The following TRIM2 variants were observed in gnomAD, a reference collection of about 807,000 sequenced individuals.
TRIM2 encodes the protein tripartite motif-containing protein 2.
TRIM2 carries 20 observed loss-of-function variants against 75.2 expected under a neutral mutation model. That is an observed-to-expected ratio of 0.27 (90% CI 0.19 to 0.39). TRIM2 has a LOEUF of 0.39. TRIM2 is among the 10% of genes least tolerant of loss of function. The pLI is 1.00. For missense variants in TRIM2, 660 were observed against 990.8 expected, an observed-to-expected ratio of 0.67 and a Z score of 4.48; for synonymous variants, 373 against 388.3, an observed-to-expected ratio of 0.96 and a Z score of 0.46.
chr4:153,311,921 T>A (rs1396739426), intron 6 of TRIM2, among the ~76,000 whole-genome samples: 1 of 150,244 alleles, frequency 6.7e-6, no homozygotes, highest in Admixed American at 6.6e-5. Context: ...TTTATTTATT[T>A]ATTATTATTA....
In TRIM2 at chr4:153,334,972, G is replaced by A; in HGVS notation, c.*6G>A. 6.2e-7 allele frequency: 1 copy of A among 1,609,888 alleles called. No homozygotes were observed. Among genetic ancestry groups the A allele is most frequent in the Non-Finnish European group, 8.5e-7 (1 of 1,177,304 alleles). ...TCTATCGATACTTACAGTAATGGTG[G>A]GCAGGTGGATACCCGCTTCCATGGT... On this transcript the variant is annotated 3_prime_UTR_variant, in exon 12 of 12. Coordinates refer to ENST00000338700, the MANE Select transcript of TRIM2 (RefSeq NM_015271.5).
Position 153,244,421 on chromosome 4 carries a change from T to TTCTTCTTCTTCTTCTTCTTCCTCTTCC in TRIM2, c.31-25898_31-25897insCTTCCTCTTCCTCTTCTTCTTCTTCTT, listed in dbSNP as rs1560875635. Among the ~76,000 whole-genome samples, 22 of 89,096 alleles carry TTCTTCTTCTTCTTCTTCTTCCTCTTCC rather than the reference T, an allele frequency of 2.5e-4. 3 individuals carry two copies. Among genetic ancestry groups the TTCTTCTTCTTCTTCTTCTTCCTCTTCC allele is most frequent in the Non-Finnish European group, 4.4e-4 (19 of 42,722 alleles). 58.5% of individuals were successfully genotyped at this position (89,096 alleles called of 152,430 possible). ...CTTCTTCTTCTTCTTCTTCTTCTTC[T>TTCTTCTTCTTCTTCTTCTTCCTCTTCC]TCTTCTTCTTCTTCTTTTAATTAGA... On this transcript the variant is annotated intron_variant, in intron 1 of 11. Coordinates refer to ENST00000338700, the MANE Select transcript of TRIM2 (RefSeq NM_015271.5).
chr4:153,320,245 T>G (rs1454403589), intron 8 of TRIM2, among the ~76,000 whole-genome samples: 1 of 152,230 alleles, frequency 6.6e-6, no homozygotes, highest in African/African-American at 2.4e-5. Context: ...AACCACTGTT[T>G]CTTTCCTAAG....
At chr4:153,221,888 AAGGAAGGAGGG>A (rs1255098419) in intron 1 of TRIM2, among the ~76,000 whole-genome samples, 26 of 94,636 alleles carry the variant, frequency 2.7e-4, no homozygotes, top group African/African-American at 9.1e-4. Flanking sequence ...AGGAGGAAGG[AAGGAAGGAGGG>A]AGGAAGGAAG....
Position 153,337,154 on chromosome 4 carries a change from A to G in TRIM2, c.*2188A>G, listed in dbSNP as rs1375483828. ...CTAGACTCTTGTCTAGATTGTTTAA[A>G]AGAAACTTTTCAAATTGGTTACATT... On this transcript the variant is annotated 3_prime_UTR_variant, in exon 12 of 12. Coordinates refer to ENST00000338700, the MANE Select transcript of TRIM2 (RefSeq NM_015271.5). The G allele has an allele frequency of 4.1e-6, 4 of 985,334 alleles. No homozygotes were observed. Among genetic ancestry groups the G allele is most frequent in the Non-Finnish European group, 3.6e-6 (3 of 829,936 alleles). The allele number at this position is 985,334 out of a possible 1,614,324, so 61.0% of individuals were successfully genotyped here. A position where few individuals can be genotyped will look rare whatever the true frequency, so the allele number is the denominator to read the frequency against.
At chr4:153,241,307 G>T (rs1560867161) in intron 1 of TRIM2, among the ~76,000 whole-genome samples, 1 of 152,124 alleles carries the variant, frequency 6.6e-6, no homozygotes, top group African/African-American at 2.4e-5. Flanking sequence ...TAATGTCTAG[G>T]CAGGCTGGAC....
chr4:153,300,345 A>G (rs2150165524), intron 6 of TRIM2, among the ~76,000 whole-genome samples: 1 of 151,976 alleles, frequency 6.6e-6, no homozygotes, highest in East Asian at 1.9e-4. Context: ...GCTGGAGTAC[A>G]ATGGCGAGGT....
At chr4:153,180,197 C>T (rs1477285170) in intron 1 of TRIM2, among the ~76,000 whole-genome samples, 1 of 152,158 alleles carries the variant, frequency 6.6e-6, no homozygotes, top group Non-Finnish European at 1.5e-5. Flanking sequence ...AATCAACAGC[C>T]CCATTAACTC....
At chr4:153,312,771 G>A (rs1173732314) in intron 6 of TRIM2, among the ~76,000 whole-genome samples, 2 of 152,008 alleles carry the variant, frequency 1.3e-5, no homozygotes, top group Non-Finnish European at 2.9e-5. Context: ...TGTTTATTGC[G>A]GCACTATTCA....
At chr4:153,158,353 T>C (rs1349532750) in intron 1 of TRIM2, among the ~76,000 whole-genome samples, 1 of 152,238 alleles carries the variant, frequency 6.6e-6, no homozygotes, top group Non-Finnish European at 1.5e-5. Flanking sequence ...CTATGAACTA[T>C]AATTGGTTTG....
intron 1 of TRIM2, among the ~76,000 whole-genome samples, chr4:153,219,743 C>T (rs1273375071): frequency 2.6e-5 from 4 of 152,172 alleles, no homozygotes; most frequent in Non-Finnish European, 5.9e-5. Context: ...TGGCACATGC[C>T]TCTGGTCCCA....
At chr4:153,187,156 C>T (rs1056420308) in intron 1 of TRIM2, among the ~76,000 whole-genome samples, 2 of 152,130 alleles carry the variant, frequency 1.3e-5, no homozygotes, top group Non-Finnish European at 2.9e-5. Context: ...TCAGGAATTT[C>T]GTTACAGTCA....
intron 1 of TRIM2, among the ~76,000 whole-genome samples, chr4:153,225,424 C>G (rs1009610610): frequency 1.3e-5 from 2 of 152,156 alleles, no homozygotes; most frequent in South Asian, 4.1e-4. Context: ...AGAGGCTATT[C>G]TGTGAATGTT....
intron 2 of TRIM2, among the ~76,000 whole-genome samples, chr4:153,273,270 CTTTTTTTT>C (rs72414117): frequency 5.2e-5 from 3 of 57,388 alleles, no homozygotes; most frequent in African/African-American, 7.0e-5. Flanking sequence ...TACAGTCACT[CTTTTTTTT>C]TTTTTTTTTT....
intron 1 of TRIM2, among the ~76,000 whole-genome samples, chr4:153,164,412 A>C (rs1730074701): frequency 6.6e-6 from 1 of 152,186 alleles, no homozygotes; most frequent in South Asian, 2.1e-4. Context: ...CTCCCTAAAG[A>C]CAGCCCCTTT....
chr4:153,273,268 C>CTTTTTTTT (rs1757181547), intron 2 of TRIM2, among the ~76,000 whole-genome samples: 1 of 94,510 alleles, frequency 1.1e-5, no homozygotes, highest in African/African-American at 4.3e-5. Context: ...CTTACAGTCA[C>CTTTTTTTT]TCTTTTTTTT....
intron 1 of TRIM2, among the ~76,000 whole-genome samples, chr4:153,175,560 G>T (rs1731348192): frequency 6.6e-6 from 1 of 152,194 alleles, no homozygotes; most frequent in Non-Finnish European, 1.5e-5. Context: ...GGGTGGAGTT[G>T]AATAGCAGGA....
At chr4:153,217,851 C>T (rs1365528314) in intron 1 of TRIM2, among the ~76,000 whole-genome samples, 1 of 152,044 alleles carries the variant, frequency 6.6e-6, no homozygotes, top group Non-Finnish European at 1.5e-5. Context: ...TCCAAGTTCT[C>T]CAAAGAAAAA....
rs1311888983 is a variant in TRIM2 at position 153,244,319 on chromosome 4, CTCT to C, written c.31-25983_31-25981del. Among the ~76,000 whole-genome samples the C allele has an allele frequency of 2.9e-3, 61 of 21,134 alleles. 3 individuals are homozygous for C. The highest frequency in any genetic ancestry group is 3.9e-3 in the Non-Finnish European group (50 of 12,774). The allele number at this position is 21,134 out of a possible 152,430, so 13.9% of individuals were successfully genotyped here. A position where few individuals can be genotyped will look rare whatever the true frequency, so the allele number is the denominator to read the frequency against. The stretch of plus-strand genomic sequence containing the variant: ...CCTCCTCCTCCTCCTCCTCCTCCTC[CTCT>C]TCTTCTTCTTCTTCTTCTTCTTCTT... On this transcript the variant is annotated intron_variant, in intron 1 of 11. Transcript: ENST00000338700.
Sources: allele counts gnomAD v4.1 joint callset (sites outside exome capture counted in the v4.1 genomes callset), GRCh38; gene constraint gnomAD v4.1.1; transcripts MANE v1.5; gene names NCBI Gene and HGNC (gene_info 2026-07-23, HGNC 2026-07-21).